Variants in CCDC38 observed in about 807,000 individuals in gnomAD.
CCDC38 encodes the protein coiled-coil domain-containing protein 38.
A neutral mutation model predicts 72.8 loss-of-function variants in CCDC38; 69 were observed. The observed-to-expected ratio is 0.95, with a 90% confidence interval of 0.78 to 1.16. The LOEUF is 1.16. Among genes scored for constraint, CCDC38 ranks in the 50% most tolerant of loss-of-function variants. The probability of loss-of-function intolerance (pLI) is 0.00; values close to 1 mark genes in which losing one functional copy is unlikely to be tolerated. For synonymous variants in CCDC38, 201 were observed against 213.2 expected, an observed-to-expected ratio of 0.94 and a Z score of 0.50; for missense variants, 626 against 638.9, an observed-to-expected ratio of 0.98 and a Z score of 0.22.
intron 1 of CCDC38, among the ~76,000 whole-genome samples, chr12:95,937,778 T>C (rs2080409409): frequency 6.6e-6 from 1 of 152,252 alleles, no homozygotes; most frequent in Non-Finnish European, 1.5e-5. Context: ...AGCAAGTTCA[T>C]GTATCATTCA....
intron 9 of CCDC38, 63 bp downstream of exon 9, chr12:95,890,769 T>C: frequency 9.8e-7 from 1 of 1,017,432 alleles, no homozygotes; most frequent in Non-Finnish European, 1.5e-6. Context: ...TAGTCCTCTG[T>C]CTCCACTTTG....
Position 95,870,286 on chromosome 12 carries a change from AATGCTATTTGTCAT to A in CCDC38, c.1485-727_1485-714del, listed in dbSNP as rs2079567335. On this transcript the variant is annotated intron_variant, in intron 14 of 15. Coordinates refer to ENST00000344280, the MANE Select transcript of CCDC38 (RefSeq NM_182496.3). ...TAATATCCTCAAATTGTGAGCAAGA[AATGCTATTTGTCAT>A]ACTCTCTTTAGGGTTGTTTTGAGGG... Among the ~76,000 whole-genome samples the A allele has an allele frequency of 2.0e-5, 3 of 152,206 alleles. No individual in the cohort carries two copies. In the South Asian group the frequency reaches 6.2e-4, roughly 31 times the overall value.
At chr12:95,889,801 A>G (rs933397455) in intron 9 of CCDC38, among the ~76,000 whole-genome samples, 4 of 152,224 alleles carry the variant, frequency 2.6e-5, no homozygotes, top group Admixed American at 1.3e-4. Context: ...GACCCCTCCC[A>G]CAAGAAAGTT....
chr12:95,917,408 AC>A (rs978249697), intron 3 of CCDC38, 114 bp from the exon 4 acceptor site: 33 of 818,956 alleles, frequency 4.0e-5, no homozygotes, highest in African/African-American at 3.9e-4. Context: ...CATTAAAAAA[AC>A]AACCCCAGGT....
At chr12:95,927,718 T>C (rs1366396467) in intron 2 of CCDC38, among the ~76,000 whole-genome samples, 1 of 152,172 alleles carries the variant, frequency 6.6e-6, no homozygotes, top group African/African-American at 2.4e-5. Context: ...TCAGGAGCTC[T>C]TGTAGGGCAG....
chr12:95,941,448 T>TG (rs1474870927), intron 1 of CCDC38, among the ~76,000 whole-genome samples: 2 of 152,214 alleles, frequency 1.3e-5, no homozygotes, highest in Non-Finnish European at 2.9e-5. Flanking sequence ...CAGCTCTCCC[T>TG]ATGATGAGGA....
chr12:95,879,912 A>G lies in CCDC38; in HGVS notation c.991-117T>C. The G allele has an allele frequency of 1.5e-6, 1 of 682,234 alleles. No individual in the cohort carries two copies. Among genetic ancestry groups the G allele is most frequent in the Non-Finnish European group, 2.3e-6 (1 of 429,376 alleles). The allele number at this position is 682,234 out of a possible 1,614,324, so 42.3% of individuals were successfully genotyped here. Reference sequence around the variant, plus strand: ...AGACAGTTCTAAGGATGAGGGAGACACAGGTAGGAACTTGTATGGGAAACT... The same window carrying G: ...AGACAGTTCTAAGGATGAGGGAGACGCAGGTAGGAACTTGTATGGGAAACT... On this transcript the variant is annotated intron_variant, in intron 11 of 15. Coordinates refer to ENST00000344280, the MANE Select transcript of CCDC38 (RefSeq NM_182496.3). This position sits in a 1 kb window ranked among gnomAD's most constrained non-coding sequence, Gnocchi z 5.5.
At chr12:95,886,411 AC>A in intron 10 of CCDC38, among the ~76,000 whole-genome samples, 1 of 152,306 alleles carries the variant, frequency 6.6e-6, no homozygotes, top group Non-Finnish European at 1.5e-5. Flanking sequence ...GCTAGGGAAA[AC>A]GTTTTAGAAT....
intron 2 of CCDC38, among the ~76,000 whole-genome samples, chr12:95,920,927 G>A (rs1366823355): frequency 3.0e-5 from 4 of 134,530 alleles, no homozygotes; most frequent in Admixed American, 7.0e-5. Context: ...TCGGGAGTTC[G>A]AGACCAGCGT....
At position 95,895,145 on chromosome 12, in the gene CCDC38, C is replaced by G; in HGVS notation, c.616G>C (p.Glu206Gln). 1 of 1,601,158 alleles carries G rather than the reference C, an allele frequency of 6.2e-7. No individual in the cohort carries two copies. The highest frequency in any genetic ancestry group is 8.5e-7 in the Non-Finnish European group (1 of 1,175,892). The change falls in exon 8 of 16, where the codon GAA becomes CAA. Residue 206 changes from glutamate to glutamine, a missense_variant and splice_region_variant. Transcript: ENST00000344280. ...AGGAGGAATTCTGTTTTTGCTATTT[C>G]ACTACTCAAAAGAAACAAAGATATG... The part of the protein sequence containing the change: ...ASMEVQAVKS[E>Q]IAKTEFLLRE...
At chr12:95,919,096 G>C (rs2080176373) in intron 2 of CCDC38, 120 bp from the exon 3 acceptor site, 2 of 650,898 alleles carry the variant, frequency 3.1e-6, no homozygotes, top group Admixed American at 5.7e-5. Context: ...TGAGAAGGTA[G>C]TGTTAAAAGA....
chr12:95,886,396 C>G (rs1315891120), intron 10 of CCDC38, among the ~76,000 whole-genome samples: 1 of 152,070 alleles, frequency 6.6e-6, no homozygotes, highest in Non-Finnish European at 1.5e-5. Flanking sequence ...ATCTTTGAGT[C>G]TAAGGCTAGG....
At chr12:95,924,248 G>C (rs1373615156) in intron 2 of CCDC38, among the ~76,000 whole-genome samples, 4 of 140,386 alleles carry the variant, frequency 2.8e-5, no homozygotes, top group Admixed American at 7.3e-5. Context: ...ACTGGTGTGA[G>C]ATGGTATCTC....
chr12:95,872,420 A>G lies in CCDC38; in HGVS notation c.1319T>C (p.Val440Ala). 1 of 1,614,132 alleles carries G rather than the reference A, an allele frequency of 6.2e-7. No homozygotes were observed. Among genetic ancestry groups the G allele is most frequent in the Non-Finnish European group, 8.5e-7 (1 of 1,179,978 alleles). The change falls in exon 14 of 16, where the codon GTA becomes GCA. Residue 440 changes from valine (V) to alanine (A), a missense_variant. By Grantham distance (64) the Val-to-Ala change is moderately conservative (BLOSUM62 0). Coordinates refer to ENST00000344280, the MANE Select transcript of CCDC38 (RefSeq NM_182496.3). ...IDSLSKKITQ[V>A]YKVCIGDAED... is the part of the protein sequence containing the mutation. ...AGCATCTCCAATGCAGACTTTGTAT[A>G]CTTGAGTAATCTTTTTACTAAGTGA...
At chr12:95,907,443 G>A (rs868219094) in intron 4 of CCDC38, among the ~76,000 whole-genome samples, 145 of 100,188 alleles carry the variant, frequency 1.4e-3, no homozygotes, top group African/African-American at 4.7e-3. Context: ...GCGGCTGGCC[G>A]GGCAGGGGGC....
intron 5 of CCDC38, among the ~76,000 whole-genome samples, chr12:95,899,926 G>A (rs2079933132): frequency 6.6e-6 from 1 of 152,094 alleles, no homozygotes; most frequent in Admixed American, 6.5e-5. Flanking sequence ...ACAAGGGCAG[G>A]GGGTTGCTAT....
chr12:95,887,204 AAC>A (rs1414910762), intron 10 of CCDC38, among the ~76,000 whole-genome samples: 2 of 140,308 alleles, frequency 1.4e-5, no homozygotes, highest in African/African-American at 2.6e-5. Context: ...ACAAACAAAC[AAC>A]AAAAAAAAAC....
intron 4 of CCDC38, among the ~76,000 whole-genome samples, chr12:95,911,926 C>T (rs2080098744): frequency 1.3e-5 from 2 of 152,150 alleles, no homozygotes; most frequent in South Asian, 4.2e-4. Context: ...GTATGTTCAT[C>T]ACAGCAATGT....
chr12:95,929,465 G>A (rs2080312707), intron 2 of CCDC38, among the ~76,000 whole-genome samples: 1 of 152,110 alleles, frequency 6.6e-6, no homozygotes, highest in South Asian at 2.1e-4. Flanking sequence ...GATGAACCCG[G>A]TACCTCAGAT....
Sources: allele counts gnomAD v4.1 joint callset (sites outside exome capture counted in the v4.1 genomes callset), GRCh38; gene constraint gnomAD v4.1.1; non-coding constraint Gnocchi (gnomAD v3.1); transcripts MANE v1.5; gene names NCBI Gene and HGNC (gene_info 2026-07-23, HGNC 2026-07-21).